Variants in SLC35F5 observed in about 807,000 individuals in gnomAD.
SLC35F5 encodes the protein solute carrier family 35 member F5, also known as HCV NS5A-transactivated protein 3.
A neutral mutation model predicts 68.6 loss-of-function variants in SLC35F5; 54 were observed. The observed-to-expected ratio is 0.79, with a 90% CI of 0.63 to 0.99. The LOEUF (loss-of-function observed/expected upper bound fraction) is 0.99, where lower values mean the gene tolerates loss of function less well. Ranked by LOEUF, SLC35F5 falls within the 50% of genes least tolerant of loss-of-function variation. The pLI, the probability that SLC35F5 is intolerant of heterozygous loss-of-function variation, is 0.00. For synonymous variants in SLC35F5, 211 were observed against 205.2 expected (o/e 1.03, Z -0.24); for missense variants, 567 against 626.9 (o/e 0.90, Z 1.02).
chr2:113,745,810 T>C (rs903742331), intron 5 of SLC35F5, among the ~76,000 whole-genome samples: 1 of 152,226 alleles, frequency 6.6e-6, no homozygotes, highest in Non-Finnish European at 1.5e-5. Context: ...ACTTGCTTAT[T>C]ACCTGTCCCC....
At chr2:113,736,546 A>C (rs1688104067) in intron 7 of SLC35F5, among the ~76,000 whole-genome samples, 1 of 152,238 alleles carries the variant, frequency 6.6e-6, no homozygotes, top group African/African-American at 2.4e-5. Context: ...GAATATATAC[A>C]GATGAATACA....
intron 4 of SLC35F5, among the ~76,000 whole-genome samples, chr2:113,748,369 G>C (rs567008472): frequency 1.5e-4 from 23 of 152,164 alleles, no homozygotes; most frequent in African/African-American, 5.3e-4. Context: ...GTTTCACCAT[G>C]TTAGCCAGGC....
chr2:113,739,521 T>C (rs1408306109), intron 7 of SLC35F5, among the ~76,000 whole-genome samples: 1 of 152,202 alleles, frequency 6.6e-6, no homozygotes, highest in African/African-American at 2.4e-5. Context: ...AATATTCTGC[T>C]ATGTAAATCA....
chr2:113,756,615 A>C lies in SLC35F5; in HGVS notation c.-206T>G, dbSNP rs1418321221. On this transcript the variant is annotated 5_prime_UTR_variant, in exon 1 of 16. Coordinates refer to ENST00000245680, the MANE Select transcript of SLC35F5 (RefSeq NM_025181.5). ...GGTGAGGGGAAGGGACGGCACAGTC[A>C]GCTATGGCCGCGGAGGCCCGGAGAT... 1 of 1,347,284 alleles carries C rather than the reference A, an allele frequency of 7.4e-7. No individual in the cohort carries two copies. The highest frequency in any genetic ancestry group is 9.7e-7 in the Non-Finnish European group (1 of 1,034,158). 83.5% of individuals were successfully genotyped at this position (1,347,284 alleles called of 1,614,324 possible).
chr2:113,724,767 G>A (rs897053351), intron 12 of SLC35F5, among the ~76,000 whole-genome samples: 1 of 151,982 alleles, frequency 6.6e-6, no homozygotes, highest in Non-Finnish European at 1.5e-5. Context: ...TATTTGAAAG[G>A]TCTCTCAAAC....
downstream of SLC35F5, among the ~76,000 whole-genome samples, chr2:113,704,699 G>A (rs1443320850): frequency 6.6e-6 from 1 of 151,778 alleles, no homozygotes; most frequent in Non-Finnish European, 1.5e-5. Context: ...GCCGCTCCGA[G>A]TGCGGGGCCC....
chr2:113,722,174 C>T (rs183057031), intron 13 of SLC35F5, among the ~76,000 whole-genome samples: 1,808 of 152,012 alleles, frequency 0.012, 24 homozygotes, highest in Non-Finnish European at 0.014. Flanking sequence ...GGGGTTTCAC[C>T]ATGCTGGCCA....
chr2:113,708,301 A>C lies in SLC35F5; in HGVS notation c.*6917T>G, dbSNP rs1686858132. Among the ~76,000 whole-genome samples the C allele has an allele frequency of 1.3e-5, 2 of 152,246 alleles. No individual in the cohort carries two copies. Among genetic ancestry groups the C allele is most frequent in the African/African-American group, 4.8e-5 (2 of 41,472 alleles). ...TGATTATTTTTTTCTAACAAAATGG[A>C]ATTAAAAGATGAGAAAACCTCGTAG... On this transcript the variant is annotated 3_prime_UTR_variant, in exon 16 of 16. Transcript: ENST00000245680.
intron 5 of SLC35F5, 83 bp downstream of exon 5, chr2:113,746,194 T>C: frequency 1.0e-6 from 1 of 996,884 alleles, no homozygotes; most frequent in Non-Finnish European, 1.6e-6. Flanking sequence ...TAATACAGCT[T>C]TGCTGCCATC....
downstream of SLC35F5, among the ~76,000 whole-genome samples, chr2:113,703,109 CA>C (rs1460473816): frequency 8.6e-5 from 12 of 139,356 alleles, no homozygotes; most frequent in Admixed American, 1.4e-4. Context: ...GACCCCATCT[CA>C]AAAAAATAAA....
chr2:113,734,648 T>C lies in SLC35F5; in HGVS notation c.858A>G (p.Ala286=), dbSNP rs1444057983. The change falls in exon 9 of 16, where the codon GCA becomes GCG. Residue 286 remains alanine, a synonymous_variant. Coordinates refer to ENST00000245680, the MANE Select transcript of SLC35F5 (RefSeq NM_025181.5). ...TSGLFTLILA[A]VFPSNSGDRF... ...TATCTCCACTGTTACTTGGAAATAC[T>C]GCAGCAAGGATTAAGGTAAAAAGTC... The C allele has an allele frequency of 3.1e-6, 5 of 1,605,848 alleles. No homozygotes were observed. Among genetic ancestry groups the C allele is most frequent in the Non-Finnish European group, 3.4e-6 (4 of 1,174,116 alleles).
chr2:113,733,576 C>T (rs1687977275), intron 9 of SLC35F5, among the ~76,000 whole-genome samples: 1 of 152,116 alleles, frequency 6.6e-6, no homozygotes, highest in Non-Finnish European at 1.5e-5. Flanking sequence ...GCCATAAAGT[C>T]TAAATGGTAA....
In SLC35F5 at chr2:113,756,454, G is replaced by A. The variant is rs1676997481; in HGVS notation, c.-45C>T. ...CGCAGCCGCCCAGCGCCACGGCCGC[G>A]GCCTCGGACTCACAGAGCTGTCACC... is the stretch of plus-strand genomic sequence containing the variant. On this transcript the variant is annotated 5_prime_UTR_variant, in exon 1 of 16. Transcript: ENST00000245680. 1 of 1,537,340 alleles carries A rather than the reference G, an allele frequency of 6.5e-7. No individual in the cohort carries two copies. The highest frequency in any genetic ancestry group is 8.7e-7 in the Non-Finnish European group (1 of 1,144,712).
intron 9 of SLC35F5, 42 bp from the exon 10 acceptor site, chr2:113,731,690 GA>G: frequency 6.8e-7 from 1 of 1,465,142 alleles, no homozygotes; most frequent in Non-Finnish European, 9.6e-7. Flanking sequence ...AAAGAATTCT[GA>G]AAAGCCTAAT....
rs1016650998 is a variant in SLC35F5, at chr2:113,711,411, T to G, written c.*3807A>C. Among the ~76,000 whole-genome samples the G allele has an allele frequency of 1.3e-5, 2 of 152,220 alleles. No homozygotes were observed. The highest frequency in any genetic ancestry group is 4.8e-5 in the African/African-American group (2 of 41,456). ...TAAAATATTAAAATATCCCGTTTAT[T>G]AAAGGCTCTTAAGATTTAAAGAAAA... On this transcript the variant is annotated 3_prime_UTR_variant, in exon 16 of 16. Transcript: ENST00000245680.
Position 113,731,627 on chromosome 2 carries a change from T to C in SLC35F5, c.942A>G (p.Val314=), listed in dbSNP as rs1221334803. The change falls in exon 10 of 16, where the codon GTA becomes GTG. Residue 314 remains valine (V), a synonymous_variant. Transcript: ENST00000245680. ...CAGGTTTTTCAGACCCTGCCAGGTT[T>C]ACCAGTACAACGCCTCCAATGCTAT... The part of the protein sequence containing the change: ...VILSIGGVVL[V]NLAGSEKPAG... The C allele has an allele frequency of 1.9e-6, 3 of 1,613,166 alleles. No homozygotes were observed. The highest frequency in any genetic ancestry group is 1.7e-5 in the Admixed American group (1 of 59,944).
chr2:113,749,742 C>A (rs759603202), intron 4 of SLC35F5, among the ~76,000 whole-genome samples: 5 of 152,022 alleles, frequency 3.3e-5, no homozygotes, highest in Non-Finnish European at 5.9e-5. Flanking sequence ...AAAGTCAATG[C>A]GCTTAATGCC....
chr2:113,725,619 A>C, intron 11 of SLC35F5, 82 bp from the exon 12 acceptor site: 1 of 1,342,318 alleles, frequency 7.4e-7, no homozygotes, highest in Non-Finnish European at 1.0e-6. Context: ...TCAAAATTAG[A>C]TTTTGCACAA....
chr2:113,755,532 G>A lies in SLC35F5; in HGVS notation c.53C>T (p.Ser18Phe). 6.2e-7 allele frequency: 1 copy of A among 1,613,720 alleles called. No homozygotes were observed. The highest frequency in any genetic ancestry group is 8.5e-7 in the Non-Finnish European group (1 of 1,179,838). Reference sequence around the variant, plus strand: ...AGATCTCAGTCTAAAAGGAGGTGAAGAACTCAGCACCCCTAAAAACAACCA... The same window carrying A: ...AGATCTCAGTCTAAAAGGAGGTGAAAAACTCAGCACCCCTAAAAACAACCA... ...RGAGRPGVLSSSPPFRLRSAK... is the reference protein window; with the variant it reads ...RGAGRPGVLSFSPPFRLRSAK... Residue 18 changes from serine (S) to phenylalanine (F), a missense_variant, in exon 2 of 16, where the codon TCT becomes TTT. Transcript: ENST00000245680.
Sources: gnomAD v4.1 joint callset for allele counts (sites outside exome capture counted in the v4.1 genomes callset) on GRCh38, gnomAD v4.1.1 for gene constraint, MANE v1.5 for transcripts, NCBI Gene and HGNC (gene_info 2026-07-23, HGNC 2026-07-21) for gene names.